RTEL1: variants seen among roughly 807,000 people sequenced by gnomAD.
The protein encoded by RTEL1 is regulator of telomere length.
A neutral mutation model predicts 162.2 loss-of-function variants in RTEL1; 86 were observed. The observed-to-expected ratio is 0.53, with a 90% CI of 0.45 to 0.63. The LOEUF (loss-of-function observed/expected upper bound fraction) is 0.63. RTEL1 is among the 30% of genes least tolerant of loss of function. The probability of loss-of-function intolerance (pLI) is 0.00; values close to 1 mark genes in which losing one functional copy is unlikely to be tolerated. For missense variants in RTEL1, 1,941 were observed against 1,750.2 expected, an observed-to-expected ratio of 1.11 and a Z score of -1.95; for synonymous variants, 958 against 717.9, an observed-to-expected ratio of 1.33 and a Z score of -5.35.
chr20:63,689,566 A>AC lies in RTEL1; in HGVS notation c.1949dup (p.Arg651ThrfsTer15). The AC allele has an allele frequency of 6.2e-7, 1 of 1,611,836 alleles. No individual in the cohort carries two copies. The highest frequency in any genetic ancestry group is 8.5e-7 in the Non-Finnish European group (1 of 1,179,658). The stretch of plus-strand genomic sequence containing the variant: ...GGTGTGATTGTCACGGGCCTCCCGT[A>AC]CCCCCCACGCATGGACCCCCGGGTT... On this transcript the variant is annotated frameshift_variant, in exon 23 of 35. Coordinates refer to ENST00000360203, the MANE Select transcript of RTEL1 (RefSeq NM_001283009.2). LOFTEE classifies it high-confidence loss of function.
chr20:63,659,334 GT>G lies in RTEL1; in HGVS notation c.-63del. The G allele has an allele frequency of 1.7e-6, 2 of 1,166,550 alleles. No individual in the cohort carries two copies. Among genetic ancestry groups the G allele is most frequent in the Non-Finnish European group, 2.6e-6 (2 of 776,000 alleles). 72.3% of individuals were successfully genotyped at this position (1,166,550 alleles called of 1,614,324 possible). A position where few individuals can be genotyped will look rare whatever the true frequency, so the allele number is the denominator to read the frequency against. ...CCGAGACCCTAAGATGTTCGGAGTG[GT>G]TTTTTCGCACAGACCCGAATAGCCT... On this transcript the variant is annotated 5_prime_UTR_variant, in exon 2 of 35. It removes the in-frame stop codon of an upstream open reading frame in the 5' UTR. Transcript: ENST00000360203.
At chr20:63,658,039 C>A (rs910797687), upstream of RTEL1, 1 of 152,442 alleles carries the variant, frequency 6.6e-6, no homozygotes, top group Non-Finnish European at 1.5e-5. Flanking sequence ...GGAGGAGGCC[C>A]GTGCAGCTCT....
At chr20:63,688,723 C>A in intron 21 of RTEL1, 118 bp downstream of exon 21, 1 of 860,050 alleles carries the variant, frequency 1.2e-6, no homozygotes, top group Non-Finnish European at 1.8e-6. Context: ...CCCGCTGCCT[C>A]TTCAGGGCTC....
Position 63,689,610 on chromosome 20 carries a change from C to T in RTEL1, c.1987C>T (p.Leu663=). The T allele has an allele frequency of 1.2e-6, 2 of 1,612,412 alleles. No homozygotes were observed. Among genetic ancestry groups the T allele is most frequent in the Non-Finnish European group, 1.7e-6 (2 of 1,179,738 alleles). Residue 663 remains leucine, a synonymous_variant, in exon 23 of 35, where the codon CTG becomes TTG. Coordinates refer to ENST00000360203, the MANE Select transcript of RTEL1 (RefSeq NM_001283009.2). ...DPRVVLKMQF[L]DEMKGQGGAG... ...CCGGGTTGTCCTCAAGATGCAGTTC[C>T]TGGATGAGATGAAGGGCCAGGGTGG...
At chr20:63,694,262 C>T (rs1601193450) in intron 30 of RTEL1, 110 bp from the exon 31 acceptor site, 4 of 942,248 alleles carry the variant, frequency 4.2e-6, no homozygotes, top group South Asian at 1.4e-5. Context: ...TTTTCCCGCC[C>T]TGGTCTGAGG....
At chr20:63,691,107 T>G (rs762697954) in intron 27 of RTEL1, among the ~76,000 whole-genome samples, 160 bp downstream of exon 27, 54 of 152,086 alleles carry the variant, frequency 3.6e-4, no homozygotes, top group African/African-American at 1.2e-3. Context: ...TGCCTGGCTG[T>G]CTGTGGGTCC....
rs568600515 is a variant in RTEL1 at position 63,688,039 on chromosome 20, G to A, written c.1584G>A (p.Ala528=). ...CCGATGGAGCCCAGTTGAGCTCCGC[G>A]TTTGACAGACGGTGAGGGCCTGTCC... The part of the protein sequence containing the change: ...RGPDGAQLSS[A]FDRRFSEECL... The change falls in exon 18 of 35, where the codon GCG becomes GCA. Residue 528 remains alanine (A), a synonymous_variant. Coordinates refer to ENST00000360203, the MANE Select transcript of RTEL1 (RefSeq NM_001283009.2). The A allele has an allele frequency of 8.1e-6, 13 of 1,612,606 alleles. No individual in the cohort carries two copies. Among genetic ancestry groups the A allele is most frequent in the East Asian group, 2.2e-5 (1 of 44,892 alleles).
chr20:63,676,933 C>G (rs1027487493), intron 10 of RTEL1, among the ~76,000 whole-genome samples: 2 of 152,168 alleles, frequency 1.3e-5, no homozygotes, highest in Non-Finnish European at 2.9e-5. Context: ...GACTCCGTCT[C>G]AAAAATCAAT....
chr20:63,690,273 C>T (rs980185259), intron 25 of RTEL1, 21 bp from the exon 26 acceptor site: 1 of 1,600,940 alleles, frequency 6.2e-7, no homozygotes. Flanking sequence ...AATGGGTCCA[C>T]CCACCCCCAT....
chr20:63,683,120 C>T (rs917118131), intron 14 of RTEL1, among the ~76,000 whole-genome samples: 3 of 152,206 alleles, frequency 2.0e-5, no homozygotes, highest in African/African-American at 7.2e-5. Flanking sequence ...TGCACCACCG[C>T]ACTCAGCTAA....
At chr20:63,663,533 C>T (rs1055416189) in intron 6 of RTEL1, among the ~76,000 whole-genome samples, 7 of 152,220 alleles carry the variant, frequency 4.6e-5, no homozygotes, top group Admixed American at 3.9e-4. Context: ...GGGTGCTTCT[C>T]CACCCACGTG....
At chr20:63,690,636 C>G (rs929981594) in intron 26 of RTEL1, among the ~76,000 whole-genome samples, 169 bp from the exon 27 acceptor site, 1 of 152,104 alleles carries the variant, frequency 6.6e-6, no homozygotes, top group African/African-American at 2.4e-5. Context: ...CAGAGAACGC[C>G]CCAGGCAAGG....
chr20:63,681,408 G>A, intron 14 of RTEL1: 1 of 985,300 alleles, frequency 1.0e-6, no homozygotes, highest in Non-Finnish European at 1.2e-6. Context: ...GGAAGCCAAG[G>A]CACAGGTGGC....
rs73920923 is a variant in RTEL1 at position 63,662,777 on chromosome 20, C to T, written c.478-52C>T. 3,049 of 1,607,012 alleles carry T rather than the reference C, an allele frequency of 1.9e-3. 58 individuals are homozygous for T. The African/African-American group carries it at 0.036, about 19-fold the overall frequency. Reference sequence around the variant, plus strand: ...ACCTGGTGGGGGTGGGGACTGGCTTCGGTCCTTTCTTGGCCGTGCTTCAGC... The same window carrying T: ...ACCTGGTGGGGGTGGGGACTGGCTTTGGTCCTTTCTTGGCCGTGCTTCAGC... On this transcript the variant is annotated intron_variant, in intron 5 of 34. Coordinates refer to ENST00000360203, the MANE Select transcript of RTEL1 (RefSeq NM_001283009.2).
intron 12 of RTEL1, among the ~76,000 whole-genome samples, chr20:63,679,627 A>T (rs899288805): frequency 3.9e-5 from 6 of 152,042 alleles, no homozygotes; most frequent in Non-Finnish European, 7.4e-5. Flanking sequence ...TGGAGGGCTG[A>T]ATTTGTTTCC....
In RTEL1 at chr20:63,667,539, T is replaced by C; in HGVS notation, c.685T>C (p.Leu229=). The C allele has an allele frequency of 6.2e-7, 1 of 1,613,812 alleles. No homozygotes were observed. The highest frequency in any genetic ancestry group is 8.5e-7 in the Non-Finnish European group (1 of 1,179,774). ...ADIIFMPYNY[L]LDAKSRRAHN... is the part of the protein sequence containing the mutation. ...CATCATATTCATGCCGTACAATTAC[T>C]TGTTGGATGCCAAGGTGGGGGCTCA... Residue 229 remains leucine (L), a synonymous_variant, in exon 8 of 35, where the codon TTG becomes CTG. Transcript: ENST00000360203.
chr20:63,678,989 C>T lies in RTEL1; in HGVS notation c.1037+643C>T, dbSNP rs150105632. ...TCCTCCTCCAGGCCTTTCCCTGGAC[C>T]CTGGTCCAGTCCGTCATTTGAGCAC... On this transcript the variant is annotated intron_variant, in intron 12 of 34. Coordinates refer to ENST00000360203, the MANE Select transcript of RTEL1 (RefSeq NM_001283009.2). 8.0e-4 allele frequency among the ~76,000 whole-genome samples: 122 copies of T among 152,314 alleles called. 1 individual carries two copies. The highest frequency in any genetic ancestry group is 2.8e-3 in the African/African-American group (117 of 41,582).
At chr20:63,667,082 G>T (rs113414103) in intron 7 of RTEL1, among the ~76,000 whole-genome samples, 4 of 148,656 alleles carry the variant, frequency 2.7e-5, no homozygotes, top group South Asian at 2.2e-4. Context: ...CTTGTGATCC[G>T]CCCACCTCGG....
intron 12 of RTEL1, among the ~76,000 whole-genome samples, chr20:63,679,412 G>A (rs2059346220): frequency 6.6e-6 from 1 of 152,084 alleles, no homozygotes; most frequent in Non-Finnish European, 1.5e-5. Flanking sequence ...AAGCTTTGGG[G>A]ACTCTGCCCA....
Sources: allele counts gnomAD v4.1 joint callset (sites outside exome capture counted in the v4.1 genomes callset), GRCh38; gene constraint gnomAD v4.1.1; transcripts MANE v1.5; gene names NCBI Gene and HGNC (gene_info 2026-07-23, HGNC 2026-07-21).